The following ZSWIM5 variants were observed in gnomAD, a reference collection of about 807,000 sequenced individuals.
ZSWIM5 encodes the protein zinc finger SWIM domain-containing protein 5.
In ZSWIM5, 55 loss-of-function variants were observed where a neutral mutation model predicts 119.6. That is an observed-to-expected ratio of 0.46 (90% CI 0.37 to 0.58). The LOEUF is 0.58. Ranked by LOEUF, ZSWIM5 falls within the 20% of genes least tolerant of loss-of-function variation. The pLI is 0.00. For synonymous variants in ZSWIM5, 537 were observed against 606.9 expected (o/e 0.88, Z 1.69); for missense variants, 1,193 against 1,512.8 (o/e 0.79, Z 3.51).
chr1:45,154,785 G>A (rs190844088), intron 1 of ZSWIM5, among the ~76,000 whole-genome samples: 19 of 152,262 alleles, frequency 1.2e-4, no homozygotes, highest in Admixed American at 9.2e-4. Context: ...GGGAGGCTGA[G>A]GCAGGAGAAT....
intron 1 of ZSWIM5, among the ~76,000 whole-genome samples, chr1:45,129,215 A>G (rs1448369243): frequency 7.2e-6 from 1 of 139,012 alleles, no homozygotes; most frequent in Non-Finnish European, 1.5e-5. Flanking sequence ...CTGAAGCGCA[A>G]TTGCGCAATC....
rs574105488 is a variant in ZSWIM5 at position 45,112,482 on chromosome 1, A to T, written c.596-24245T>A. 4.6e-5 allele frequency among the ~76,000 whole-genome samples: 7 copies of T among 152,366 alleles called. No individual in the cohort carries two copies. The East Asian group carries it at 1.2e-3, about 25-fold the overall frequency. ...TATGTAGGTAAAGGGAAACTGTTTTATATGAGATTTTGACTTTTGATTCAA... is the reference window on the plus strand; with the variant it reads ...TATGTAGGTAAAGGGAAACTGTTTTTTATGAGATTTTGACTTTTGATTCAA... On this transcript the variant is annotated intron_variant, in intron 1 of 13. Coordinates refer to ENST00000359600, the MANE Select transcript of ZSWIM5 (RefSeq NM_020883.2).
chr1:45,109,933 C>G (rs1436545426), intron 1 of ZSWIM5, among the ~76,000 whole-genome samples: 3 of 151,972 alleles, frequency 2.0e-5, no homozygotes, highest in Non-Finnish European at 4.4e-5. Flanking sequence ...GGCATGAAGA[C>G]AGCTCACTGC....
At chr1:45,192,271 C>G (rs966560018) in intron 1 of ZSWIM5, among the ~76,000 whole-genome samples, 1 of 152,172 alleles carries the variant, frequency 6.6e-6, no homozygotes, top group African/African-American at 2.4e-5. Flanking sequence ...TTCAACAGAA[C>G]AGTAACTCTT....
At chr1:45,102,039 T>TAA (rs35157053) in intron 1 of ZSWIM5, among the ~76,000 whole-genome samples, 21,563 of 144,624 alleles carry the variant, frequency 0.15, 1,931 homozygotes, top group African/African-American at 0.25. Context: ...TAAAGTATAA[T>TAA]AAAAAAAAAA....
chr1:45,166,991 C>T (rs926898597), intron 1 of ZSWIM5, among the ~76,000 whole-genome samples: 2 of 151,846 alleles, frequency 1.3e-5, no homozygotes, highest in Admixed American at 6.6e-5. Flanking sequence ...CAGACGGAAC[C>T]AAAAAAAGAG....
rs114638305 is a variant in ZSWIM5, at chr1:45,088,253, A to C, written c.596-16T>G. The C allele has an allele frequency of 4.0e-4, 618 of 1,526,714 alleles. 2 individuals carry two copies. In the African/African-American group the frequency reaches 8.2e-3, roughly 20 times the overall value. The allele number at this position is 1,526,714 out of a possible 1,614,324, so 94.6% of individuals were successfully genotyped here. A position where few individuals can be genotyped will look rare whatever the true frequency, so the allele number is the denominator to read the frequency against. ...AGATGAAAGCCTAAGGAAACACAAA[A>C]GAAACTGTGTTTAGAGATTCTAGAG... On this transcript the variant is annotated splice_polypyrimidine_tract_variant and intron_variant, in intron 1 of 13. Transcript: ENST00000359600. The surrounding 1 kb of genome is among the most constrained non-coding windows in gnomAD (Gnocchi z 4.2).
intron 2 of ZSWIM5, among the ~76,000 whole-genome samples, chr1:45,076,388 A>G (rs1038615304): frequency 1.6e-4 from 25 of 152,266 alleles, no homozygotes; most frequent in African/African-American, 6.0e-4. Context: ...TGCCAAACAT[A>G]CTACTTTAGG....
intron 1 of ZSWIM5, among the ~76,000 whole-genome samples, chr1:45,166,774 G>C (rs1321302815): frequency 6.6e-6 from 1 of 151,914 alleles, no homozygotes; most frequent in Non-Finnish European, 1.5e-5. Flanking sequence ...GGGATGTGAA[G>C]GACCTCTTCA....
chr1:45,035,760 G>C lies in ZSWIM5; in HGVS notation c.2219C>G (p.Ala740Gly). The change falls in exon 10 of 14, where the codon GCC (alanine) becomes GGC (glycine). Residue 740 changes from alanine to glycine, a missense_variant. By Grantham distance (60) the Ala-to-Gly change is moderately conservative (BLOSUM62 0). Coordinates refer to ENST00000359600, the MANE Select transcript of ZSWIM5 (RefSeq NM_020883.2). The part of the protein sequence containing the change: ...HRESVPMHTF[A>G]KYLFSALLPH... ...CAGCAGAGCTGAGAACAAATACTTG[G>C]CAAAGGTATGCATGGGAACACTCTC... 6.2e-7 allele frequency: 1 copy of C among 1,613,896 alleles called. No individual in the cohort carries two copies. Among genetic ancestry groups the C allele is most frequent in the Admixed American group, 1.7e-5 (1 of 60,002 alleles).
In ZSWIM5 at chr1:45,191,437, C is replaced by T. The variant is rs542070621; in HGVS notation, c.595+14319G>A. Among the ~76,000 whole-genome samples the T allele has an allele frequency of 2.6e-4, 40 of 152,304 alleles. No individual in the cohort carries two copies. In the South Asian group the frequency reaches 7.0e-3, roughly 27 times the overall value. On this transcript the variant is annotated intron_variant, in intron 1 of 13. Coordinates refer to ENST00000359600, the MANE Select transcript of ZSWIM5 (RefSeq NM_020883.2). ...GAAACAGTGTAGTTCACCTTCATCT[C>T]TACCACATAAAGAAAAATACCCCAC...
Position 45,167,458 on chromosome 1 carries a change from C to A in ZSWIM5, c.595+38298G>T, listed in dbSNP as rs561119149. Among the ~76,000 whole-genome samples the A allele has an allele frequency of 4.3e-3, 651 of 151,756 alleles. 14 individuals are homozygous for A. The highest frequency in any genetic ancestry group is 0.038 in the Admixed American group (581 of 15,220). On this transcript the variant is annotated intron_variant, in intron 1 of 13. Transcript: ENST00000359600. ...ACACCAAAAGCAATGGCAACAAAAG[C>A]CAAAATTGACAAATGGGATCTAATT... is the stretch of plus-strand genomic sequence containing the variant.
At chr1:45,092,475 T>G (rs1457721910) in intron 1 of ZSWIM5, among the ~76,000 whole-genome samples, 1 of 149,816 alleles carries the variant, frequency 6.7e-6, no homozygotes, top group Non-Finnish European at 1.5e-5. Flanking sequence ...TTTTGTATTT[T>G]TAGTAGAGAC....
chr1:45,187,801 T>C (rs765836634), intron 1 of ZSWIM5, among the ~76,000 whole-genome samples: 64 of 152,134 alleles, frequency 4.2e-4, no homozygotes, highest in Non-Finnish European at 8.8e-4. Flanking sequence ...AAACATTTTT[T>C]TCCAAAGAAG....
intron 1 of ZSWIM5, among the ~76,000 whole-genome samples, chr1:45,132,433 G>C (rs1035374755): frequency 1.3e-5 from 2 of 152,078 alleles, no homozygotes; most frequent in Non-Finnish European, 2.9e-5. Context: ...TGTAGGCACA[G>C]TACTTTTCTC....
At chr1:45,193,001 T>C (rs776594741) in intron 1 of ZSWIM5, among the ~76,000 whole-genome samples, 3 of 152,176 alleles carry the variant, frequency 2.0e-5, no homozygotes, top group Admixed American at 2.0e-4. Flanking sequence ...ATTAGGTTTT[T>C]TCTTGTGGCT....
At chr1:45,122,634 T>C (rs910775243) in intron 1 of ZSWIM5, among the ~76,000 whole-genome samples, 1 of 151,368 alleles carries the variant, frequency 6.6e-6, no homozygotes, top group Non-Finnish European at 1.5e-5. Context: ...TATCTCAGAG[T>C]TGGAGGTGTG....
chr1:45,026,698 TA>T (rs1157732477), intron 11 of ZSWIM5, among the ~76,000 whole-genome samples: 1 of 152,232 alleles, frequency 6.6e-6, no homozygotes, highest in African/African-American at 2.4e-5. Context: ...GTAATGTCTT[TA>T]TCTAGTTTTG....
intron 1 of ZSWIM5, among the ~76,000 whole-genome samples, chr1:45,123,562 A>G (rs760852620): frequency 6.6e-6 from 1 of 152,208 alleles, no homozygotes; most frequent in Non-Finnish European, 1.5e-5. Flanking sequence ...TCTGAAAAAC[A>G]GAGAATAGAC....
Sources: gnomAD v4.1 joint callset for allele counts (sites outside exome capture counted in the v4.1 genomes callset) on GRCh38, gnomAD v4.1.1 for gene constraint, Gnocchi (gnomAD v3.1) non-coding constraint, MANE v1.5 for transcripts, NCBI Gene and HGNC (gene_info 2026-07-23, HGNC 2026-07-21) for gene names.